Variants in DGKB observed in about 807,000 individuals in gnomAD.
The protein encoded by DGKB is 90 kDa diacylglycerol kinase.
DGKB carries 67 observed loss-of-function variants against 114.3 expected under a neutral mutation model. The ratio of observed to expected loss-of-function variants is 0.59; its 90% CI spans 0.48 to 0.72. DGKB has a LOEUF of 0.72. DGKB is among the 30% of genes least tolerant of loss of function. The pLI is 0.00. For synonymous variants in DGKB, 398 were observed against 323.1 expected, an observed-to-expected ratio of 1.23 and a Z score of -2.49; for missense variants, 907 against 975.2, an observed-to-expected ratio of 0.93 and a Z score of 0.93.
intron 23 of DGKB, among the ~76,000 whole-genome samples, chr7:14,309,708 C>G (rs1473599915): frequency 6.6e-6 from 1 of 152,128 alleles, no homozygotes. Flanking sequence ...TAGGATAATT[C>G]TTGTTCTTCA....
intron 20 of DGKB, among the ~76,000 whole-genome samples, chr7:14,563,011 G>A (rs962733577): frequency 3.9e-5 from 6 of 152,166 alleles, no homozygotes; most frequent in Non-Finnish European, 8.8e-5. Flanking sequence ...CCCAGTGAGA[G>A]GTAACTGAAT....
intron 1 of DGKB, among the ~76,000 whole-genome samples, chr7:14,880,545 A>G (rs1284098998): frequency 1.3e-5 from 2 of 152,212 alleles, no homozygotes; most frequent in African/African-American, 2.4e-5. Context: ...TCAAGTTGGA[A>G]CAATAGCTAG....
chr7:14,655,288 T>A (rs923511817), intron 13 of DGKB, among the ~76,000 whole-genome samples: 1 of 150,158 alleles, frequency 6.7e-6, no homozygotes, highest in Non-Finnish European at 1.5e-5. Context: ...ATAAAAAATG[T>A]TCAGCATCAC....
intron 2 of DGKB, among the ~76,000 whole-genome samples, chr7:14,781,069 G>A (rs1455149768): frequency 1.3e-5 from 2 of 152,078 alleles, no homozygotes. Context: ...CCAACTTGAT[G>A]GCAATAAGTA....
At chr7:14,459,601 T>C (rs1832781833) in intron 21 of DGKB, among the ~76,000 whole-genome samples, 2 of 152,216 alleles carry the variant, frequency 1.3e-5, no homozygotes, top group East Asian at 1.9e-4. Flanking sequence ...TGCGGGACTA[T>C]GTAAAAAGAC....
At chr7:14,515,985 C>G (rs1236027752) in intron 20 of DGKB, among the ~76,000 whole-genome samples, 3 of 152,046 alleles carry the variant, frequency 2.0e-5, no homozygotes, top group African/African-American at 7.2e-5. Flanking sequence ...GCTGGAACTA[C>G]AGGTATGTAC....
At chr7:14,689,413 C>T (rs1179949527) in intron 9 of DGKB, among the ~76,000 whole-genome samples, 1 of 151,700 alleles carries the variant, frequency 6.6e-6, no homozygotes, top group African/African-American at 2.4e-5. Flanking sequence ...CCTCGTGATC[C>T]GCCCGCCTCG....
At chr7:14,381,632 G>T (rs1298234841) in intron 21 of DGKB, among the ~76,000 whole-genome samples, 1 of 152,102 alleles carries the variant, frequency 6.6e-6, no homozygotes, top group Non-Finnish European at 1.5e-5. Context: ...ATTTTCTTTA[G>T]AGATGCCCAG....
At chr7:14,565,852 G>A (rs1409252057) in intron 20 of DGKB, among the ~76,000 whole-genome samples, 4 of 151,958 alleles carry the variant, frequency 2.6e-5, no homozygotes, top group Admixed American at 2.6e-4. Flanking sequence ...CCACCAGAAT[G>A]ATTTTTAATA....
At chr7:14,736,334 G>C in intron 4 of DGKB, 140 bp from the exon 5 acceptor site, 3 of 574,106 alleles carry the variant, frequency 5.2e-6, no homozygotes, top group Non-Finnish European at 9.1e-6. Flanking sequence ...GTGCCTATTT[G>C]AGAAATAGGG....
At position 14,389,947 on chromosome 7, in the gene DGKB, G is replaced by A. The variant is rs562185587; in HGVS notation, c.1836-44556C>T. On this transcript the variant is annotated intron_variant, in intron 21 of 25. Transcript: ENST00000402815. ...GCAGCCCTTGTTAAAGTTAAAGGGTGAGGGCATCCCATTCAACCCCCTTTA... is the reference window on the plus strand; with the variant it reads ...GCAGCCCTTGTTAAAGTTAAAGGGTAAGGGCATCCCATTCAACCCCCTTTA... Among the ~76,000 whole-genome samples the A allele has an allele frequency of 7.9e-5, 12 of 152,276 alleles. No homozygotes were observed. The South Asian group carries it at 2.5e-3, about 32-fold the overall frequency.
chr7:14,228,409 T>C (rs913257549), intron 23 of DGKB, among the ~76,000 whole-genome samples: 1 of 152,036 alleles, frequency 6.6e-6, no homozygotes, highest in Non-Finnish European at 1.5e-5. Context: ...AAGTGTCCTA[T>C]CTATTGTGAA....
At chr7:14,910,255 AAAGAAAG>A (rs1783920939) in intron 1 of DGKB, among the ~76,000 whole-genome samples, 1 of 31,238 alleles carries the variant, frequency 3.2e-5, no homozygotes, top group Non-Finnish European at 6.1e-5. Context: ...AGAAAGAAAG[AAAGAAAG>A]AAAGAAAGAA....
rs34964846 is a variant in DGKB, at chr7:14,804,070, GGTGT to G, written c.70+37120_70+37123del. On this transcript the variant is annotated intron_variant, in intron 2 of 25. Transcript: ENST00000402815. ...TTCTTCACATTGACTTCACTTTTTG[GGTGT>G]GTGTGTGTGTGTGTGTGTGTGTGTT... Among the ~76,000 whole-genome samples, 506 of 146,596 alleles carry G rather than the reference GGTGT, an allele frequency of 3.5e-3. 2 individuals are homozygous for G. Among genetic ancestry groups the G allele is most frequent in the Middle Eastern group, 0.025 (7 of 282 alleles).
intron 23 of DGKB, among the ~76,000 whole-genome samples, chr7:14,327,216 T>G (rs186616026): frequency 9.7e-4 from 147 of 152,252 alleles, no homozygotes; most frequent in Non-Finnish European, 1.7e-3. Flanking sequence ...CCTTTTTGAT[T>G]GCTGACTTTT....
Position 14,524,026 on chromosome 7 carries a change from C to T in DGKB, c.1771-45801G>A, listed in dbSNP as rs1028659182. ...TTTCCCAGCTCTGGATCGAGACACA[C>T]GGGCATATCAAATCAGCTGATAATT... On this transcript the variant is annotated intron_variant, in intron 20 of 25. Coordinates refer to ENST00000402815, the MANE Select transcript of DGKB (RefSeq NM_001350709.2). 7.2e-5 allele frequency among the ~76,000 whole-genome samples: 11 copies of T among 152,082 alleles called. No individual in the cohort carries two copies. The South Asian group carries it at 1.0e-3, about 14-fold the overall frequency.
intron 23 of DGKB, among the ~76,000 whole-genome samples, chr7:14,215,353 A>G (rs1788787684): frequency 6.6e-6 from 1 of 152,092 alleles, no homozygotes. Context: ...AAAAGAGGCA[A>G]TGTATTTATA....
chr7:14,392,888 G>A (rs1214597443), intron 21 of DGKB, among the ~76,000 whole-genome samples: 1 of 151,842 alleles, frequency 6.6e-6, no homozygotes, highest in African/African-American at 2.4e-5. Flanking sequence ...TTTCACATAG[G>A]AGATAAAACT....
chr7:14,368,850 C>T (rs939572164), intron 21 of DGKB, among the ~76,000 whole-genome samples: 1 of 151,994 alleles, frequency 6.6e-6, no homozygotes, highest in Non-Finnish European at 1.5e-5. Context: ...CCCGGGAGAG[C>T]CCTCAGACCA....
Sources: allele counts gnomAD v4.1 joint callset (sites outside exome capture counted in the v4.1 genomes callset), GRCh38; gene constraint gnomAD v4.1.1; transcripts MANE v1.5; gene names NCBI Gene and HGNC (gene_info 2026-07-23, HGNC 2026-07-21).